Variants in STX12 observed in about 807,000 individuals in gnomAD.
The protein encoded by STX12 is syntaxin-12.
STX12 carries 17 observed loss-of-function variants against 42.2 expected under a neutral mutation model. The ratio of observed to expected loss-of-function variants is 0.40; its 90% CI spans 0.28 to 0.60. STX12 has a LOEUF of 0.60. Among genes scored for constraint, STX12 ranks in the 20% least tolerant of loss-of-function variants. The pLI is 0.39. For synonymous variants in STX12, 108 were observed against 116.7 expected (o/e 0.93, Z 0.48); for missense variants, 297 against 330.9 (o/e 0.90, Z 0.79).
chr1:27,797,420 C>T (rs1040234437), intron 3 of STX12, among the ~76,000 whole-genome samples: 1 of 152,088 alleles, frequency 6.6e-6, no homozygotes, highest in Non-Finnish European at 1.5e-5. Flanking sequence ...AAACTTTCTT[C>T]TTGCCATGAT....
chr1:27,793,656 T>C, intron 3 of STX12, 24 bp downstream of exon 3: 1 of 1,596,024 alleles, frequency 6.3e-7, no homozygotes. Context: ...GTTTTGTTTA[T>C]TAATAGGAAA....
chr1:27,795,175 A>C lies in STX12; in HGVS notation c.288+1543A>C, dbSNP rs1372597869. ...CATGAAGTCATTTTAGTGTATTGAG[A>C]TCAGCATTTTAAAAAACTTAGAGTA... is the stretch of plus-strand genomic sequence containing the variant. On this transcript the variant is annotated intron_variant, in intron 3 of 8. Transcript: ENST00000373943. 2.0e-5 allele frequency among the ~76,000 whole-genome samples: 3 copies of C among 152,090 alleles called. No individual in the cohort carries two copies. The East Asian group carries it at 5.8e-4, about 29-fold the overall frequency.
At chr1:27,814,569 C>T (rs1273141250) in intron 6 of STX12, among the ~76,000 whole-genome samples, 2 of 152,092 alleles carry the variant, frequency 1.3e-5, no homozygotes, top group East Asian at 1.9e-4. Flanking sequence ...AAATTACTAG[C>T]CGGGCGCGGT....
chr1:27,819,540 A>C (rs917746440), intron 7 of STX12, 110 bp from the exon 8 acceptor site: 1 of 808,276 alleles, frequency 1.2e-6, no homozygotes, highest in Non-Finnish European at 2.0e-6. Context: ...ATGGCTGGAT[A>C]GTTTGGATAG....
At chr1:27,782,699 G>A (rs2088676443) in intron 1 of STX12, among the ~76,000 whole-genome samples, 1 of 152,120 alleles carries the variant, frequency 6.6e-6, no homozygotes, top group Non-Finnish European at 1.5e-5. Context: ...AGCCCGGCAT[G>A]GTGGTGGGCA....
intron 1 of STX12, chr1:27,773,808 C>G: frequency 4.3e-6 from 1 of 234,132 alleles, no homozygotes; most frequent in Non-Finnish European, 8.8e-6. Context: ...CCTCGCTTTC[C>G]TCTTAGACCA....
At chr1:27,779,936 C>T (rs997600576) in intron 1 of STX12, among the ~76,000 whole-genome samples, 1 of 151,866 alleles carries the variant, frequency 6.6e-6, no homozygotes, top group Non-Finnish European at 1.5e-5. Flanking sequence ...GGATTACAGG[C>T]GTGTACCACC....
At chr1:27,798,382 T>G (rs1484655201) in intron 3 of STX12, among the ~76,000 whole-genome samples, 3 of 151,562 alleles carry the variant, frequency 2.0e-5, no homozygotes, top group East Asian at 3.9e-4. Context: ...CGGTGGCTCA[T>G]GCCTATAATC....
chr1:27,790,105 C>CT (rs2088729112), intron 2 of STX12, among the ~76,000 whole-genome samples: 1 of 152,152 alleles, frequency 6.6e-6, no homozygotes, highest in South Asian at 2.1e-4. Flanking sequence ...GATGTACAGA[C>CT]TTTTTTCCTT....
chr1:27,793,699 A>G, intron 3 of STX12, 67 bp downstream of exon 3: 1 of 1,355,992 alleles, frequency 7.4e-7, no homozygotes, highest in Non-Finnish European at 1.0e-6. Flanking sequence ...CAGTGTGTAG[A>G]ACAAAAAAAA....
rs892434164 is a variant in STX12 at position 27,799,378 on chromosome 1, A to T, written c.289-2300A>T. Among the ~76,000 whole-genome samples, 5 of 152,190 alleles carry T rather than the reference A, an allele frequency of 3.3e-5. No individual in the cohort carries two copies. In the East Asian group the frequency reaches 9.6e-4, roughly 29 times the overall value. ...GGTGACCCAGGTCTCATCACAGACT[A>T]ATTTTTCTAAGTTACTATTTTGTAC... On this transcript the variant is annotated intron_variant, in intron 3 of 8. Coordinates refer to ENST00000373943, the MANE Select transcript of STX12 (RefSeq NM_177424.3).
At chr1:27,787,385 G>A (rs1248019658) in intron 1 of STX12, among the ~76,000 whole-genome samples, 2 of 152,184 alleles carry the variant, frequency 1.3e-5, no homozygotes, top group African/African-American at 2.4e-5. Context: ...CTGGCCGGGT[G>A]CAGTGGCTCA....
At position 27,811,798 on chromosome 1, in the gene STX12, G is replaced by A. The variant is rs187851245; in HGVS notation, c.471-365G>A. Among the ~76,000 whole-genome samples the A allele has an allele frequency of 1.2e-4, 19 of 152,294 alleles. No individual in the cohort carries two copies. In the East Asian group the frequency reaches 3.1e-3, roughly 25 times the overall value. Reference sequence around the variant, plus strand: ...TACTAATGCAGCTTGCACTTTGAGAGTGCCCTGGAAGATGATGGTGCAACA... The same window carrying A: ...TACTAATGCAGCTTGCACTTTGAGAATGCCCTGGAAGATGATGGTGCAACA... On this transcript the variant is annotated intron_variant, in intron 5 of 8. Transcript: ENST00000373943.
Position 27,801,702 on chromosome 1 carries a change from C to T in STX12, c.313C>T (p.Arg105Cys), listed in dbSNP as rs1171925154. 3.9e-6 allele frequency: 6 copies of T among 1,549,336 alleles called. No homozygotes were observed. The highest frequency in any genetic ancestry group is 2.4e-5 in the East Asian group (1 of 41,180). ...GCGCCAGCAGAGACTTCAGAAGGAA[C>T]GCCTCATGAATGACTTCTCTGCAGC... is the stretch of plus-strand genomic sequence containing the variant. Reference protein sequence around the residue: ...EQRQQRLQKERLMNDFSAALN... With the variant: ...EQRQQRLQKECLMNDFSAALN... The change falls in exon 4 of 9, where the codon CGC (arginine) becomes TGC (cysteine). Residue 105 changes from arginine to cysteine, a missense_variant. Coordinates refer to ENST00000373943, the MANE Select transcript of STX12 (RefSeq NM_177424.3).
intron 1 of STX12, among the ~76,000 whole-genome samples, chr1:27,786,010 T>C (rs1023560198): frequency 2.0e-5 from 3 of 152,218 alleles, no homozygotes; most frequent in African/African-American, 7.2e-5. Context: ...ACATTCTTTT[T>C]CCTGTAAGAG....
intron 6 of STX12, among the ~76,000 whole-genome samples, chr1:27,812,868 A>T (rs1342911667): frequency 6.6e-6 from 1 of 152,170 alleles, no homozygotes; most frequent in African/African-American, 2.4e-5. Context: ...AGAACAGAAC[A>T]AGGCAGACAG....
rs2088991058 is a variant in STX12 at position 27,822,401 on chromosome 1, T to C, written c.*72T>C. 1.0e-6 allele frequency: 1 copy of C among 957,832 alleles called. No individual in the cohort carries two copies. The highest frequency in any genetic ancestry group is 1.6e-5 in the African/African-American group (1 of 62,458). The allele number at this position is 957,832 out of a possible 1,614,324, so 59.3% of individuals were successfully genotyped here. On this transcript the variant is annotated 3_prime_UTR_variant, in exon 9 of 9. Transcript: ENST00000373943. The stretch of plus-strand genomic sequence containing the variant: ...TTGTTGAAGTCTTGCCAGAACAAAC[T>C]GATCACAAGAAGACAGCATATATCA...
intron 3 of STX12, among the ~76,000 whole-genome samples, chr1:27,799,474 C>CTTTTTTTTTTTTTTT (rs1557803049): frequency 7.8e-6 from 1 of 128,674 alleles, no homozygotes; most frequent in African/African-American, 4.7e-5. Context: ...AACTCATTAG[C>CTTTTTTTTTTTTTTT]TTGTTTTTTT....
At chr1:27,801,059 C>T (rs1170607240) in intron 3 of STX12, among the ~76,000 whole-genome samples, 1 of 152,112 alleles carries the variant, frequency 6.6e-6, no homozygotes, top group Non-Finnish European at 1.5e-5. Context: ...TTATATTCTC[C>T]AGGGCACCAA....
Sources: allele counts gnomAD v4.1 joint callset (sites outside exome capture counted in the v4.1 genomes callset), GRCh38; gene constraint gnomAD v4.1.1; transcripts MANE v1.5; gene names NCBI Gene and HGNC (gene_info 2026-07-23, HGNC 2026-07-21).